SBK1: variants seen among roughly 807,000 people sequenced by gnomAD.
SBK1 encodes SH3 domain binding kinase 1, also known as serine/threonine-protein kinase SBK1.
Under a neutral mutation model 24.4 loss-of-function variants are expected in SBK1, and 11 were observed. That is an observed-to-expected ratio of 0.45 (90% CI 0.28 to 0.75). The LOEUF (loss-of-function observed/expected upper bound fraction) is 0.75, where lower values mean the gene tolerates loss of function less well. Ranked by LOEUF, SBK1 falls within the 30% of genes least tolerant of loss-of-function variation. SBK1 has a pLI of 0.12. For missense variants in SBK1, 467 were observed against 620.5 expected, an observed-to-expected ratio of 0.75 and a Z score of 2.63; for synonymous variants, 308 against 284.4, an observed-to-expected ratio of 1.08 and a Z score of -0.83.
chr16:28,268,237 T>C lies in SBK1; in HGVS notation c.257+8735T>C, dbSNP rs566041837. On this transcript the variant is annotated intron_variant, in intron 1 of 3. Coordinates refer to the SBK1 transcript ENST00000671413. ...AATATAGTAGTAACAGTTCTGGGGGTTTTTTGGTTTTTGTTTTTGTGTAGA... is the reference window on the plus strand; with the variant it reads ...AATATAGTAGTAACAGTTCTGGGGGCTTTTTGGTTTTTGTTTTTGTGTAGA... Among the ~76,000 whole-genome samples the C allele has an allele frequency of 2.7e-5, 4 of 149,674 alleles. No individual in the cohort carries two copies. The South Asian group carries it at 8.5e-4, about 32-fold the overall frequency.
chr16:28,265,525 T>C (rs2141558233), intron 1 of SBK1, among the ~76,000 whole-genome samples: 1 of 151,660 alleles, frequency 6.6e-6, no homozygotes, highest in South Asian at 2.1e-4. Context: ...GAGTTCAAGG[T>C]TACAGTGATT....
In SBK1 at chr16:28,284,071, T is replaced by C. The variant is rs1411482682; in HGVS notation, c.257+24569T>C. 5.9e-5 allele frequency among the ~76,000 whole-genome samples: 9 copies of C among 152,156 alleles called. No homozygotes were observed. In the East Asian group the frequency reaches 1.7e-3, roughly 29 times the overall value. ...TGTGAGCTCCTCAGTGGGGTTCACCTCCCATTGCCCACGGTGGTGACTGAG... is the reference window on the plus strand; with the variant it reads ...TGTGAGCTCCTCAGTGGGGTTCACCCCCCATTGCCCACGGTGGTGACTGAG... On this transcript the variant is annotated intron_variant, in intron 1 of 3. Transcript: ENST00000671413.
At chr16:28,300,483 C>G (rs2044671401) in intron 1 of SBK1, among the ~76,000 whole-genome samples, 1 of 147,544 alleles carries the variant, frequency 6.8e-6, no homozygotes, top group Non-Finnish European at 1.5e-5. Flanking sequence ...CCATGCCTGG[C>G]TCATTTTTTT....
At chr16:28,263,677 G>A (rs1041616475) in intron 1 of SBK1, among the ~76,000 whole-genome samples, 1 of 152,174 alleles carries the variant, frequency 6.6e-6, no homozygotes, top group Admixed American at 6.6e-5. Flanking sequence ...CTTAAATGGG[G>A]GAAGTTGTAT....
intron 1 of SBK1, among the ~76,000 whole-genome samples, chr16:28,316,100 C>T (rs958900741): frequency 7.2e-5 from 11 of 152,198 alleles, no homozygotes; most frequent in Admixed American, 6.5e-4. Flanking sequence ...GTTGGCCAGG[C>T]GCAGTGTTCA....
In SBK1 at chr16:28,320,463, C is replaced by G. The variant is rs748701315; in HGVS notation, c.817C>G (p.Arg273Gly). ...GGAGTTCGTGCGCTGGCAGCGGGGCCGCCTGCCGGGGCTGCCTTCGCAGTG... is the reference window on the plus strand; with the variant it reads ...GGAGTTCGTGCGCTGGCAGCGGGGCGGCCTGCCGGGGCTGCCTTCGCAGTG... ...FEEFVRWQRG[R>G]LPGLPSQWRR... is the part of the protein sequence containing the mutation. Residue 273 changes from arginine (R) to glycine (G), a missense_variant, in exon 4 of 4, where the codon CGC becomes GGC. Physicochemically the swap from Arg to Gly is moderately radical, Grantham distance 125. Coordinates refer to ENST00000341901, the MANE Select transcript of SBK1 (RefSeq NM_001024401.3). The surrounding 1 kb of genome is among the most constrained non-coding windows in gnomAD (Gnocchi z 8.5). The G allele has an allele frequency of 7.0e-6, 11 of 1,575,380 alleles. No individual in the cohort carries two copies. The highest frequency in any genetic ancestry group is 9.4e-6 in the Non-Finnish European group (11 of 1,167,894).
chr16:28,282,919 ATTTATT>A (rs910962908), intron 1 of SBK1, among the ~76,000 whole-genome samples: 4 of 150,298 alleles, frequency 2.7e-5, no homozygotes, highest in African/African-American at 1.0e-4. Context: ...TTATTTATTT[ATTTATT>A]TATTTGTTTG....
upstream of SBK1, among the ~76,000 whole-genome samples, chr16:28,287,746 C>A (rs1488318487): frequency 1.3e-5 from 2 of 152,322 alleles, no homozygotes; most frequent in Admixed American, 6.5e-5. Flanking sequence ...TCATGGCAAC[C>A]TCTGCCTCTC....
At chr16:28,313,994 C>T (rs905274830) in intron 1 of SBK1, among the ~76,000 whole-genome samples, 13 of 124,164 alleles carry the variant, frequency 1.0e-4, no homozygotes, top group Non-Finnish European at 1.9e-4. Flanking sequence ...GAGAGAAAGC[C>T]GGTGATGATG....
intron 1 of SBK1, among the ~76,000 whole-genome samples, chr16:28,297,926 C>T (rs973684508): frequency 6.6e-6 from 1 of 152,200 alleles, no homozygotes; most frequent in South Asian, 2.1e-4. Flanking sequence ...GAGGCCCTTC[C>T]TGAGCCTCTT....
At chr16:28,278,832 G>C (rs2044511055) in intron 1 of SBK1, among the ~76,000 whole-genome samples, 2 of 152,192 alleles carry the variant, frequency 1.3e-5, no homozygotes, top group South Asian at 4.1e-4. Flanking sequence ...CCTGGGTGAG[G>C]GCAGGATCGG....
intron 1 of SBK1, among the ~76,000 whole-genome samples, chr16:28,266,843 T>C (rs1396819201): frequency 1.3e-5 from 2 of 151,316 alleles, no homozygotes; most frequent in Non-Finnish European, 2.9e-5. Context: ...TGGGCTCAAG[T>C]GGTCCTCCCT....
At chr16:28,295,750 A>G (rs2044634371) in intron 1 of SBK1, among the ~76,000 whole-genome samples, 1 of 151,988 alleles carries the variant, frequency 6.6e-6, no homozygotes, top group South Asian at 2.1e-4. Context: ...TGATTTTTGG[A>G]TCTTCTTGAA....
At chr16:28,266,720 T>C (rs1441996198) in intron 1 of SBK1, among the ~76,000 whole-genome samples, 1 of 144,748 alleles carries the variant, frequency 6.9e-6, no homozygotes, top group East Asian at 2.0e-4. Flanking sequence ...CACATCACTT[T>C]CTTTTTTCTT....
intron 1 of SBK1, among the ~76,000 whole-genome samples, chr16:28,265,834 C>T (rs1474986993): frequency 3.3e-5 from 5 of 151,312 alleles, no homozygotes; most frequent in Admixed American, 6.6e-5. Flanking sequence ...ATTAGCCCCG[C>T]GTGGTGGTAC....
intron 1 of SBK1, among the ~76,000 whole-genome samples, chr16:28,281,685 C>T (rs1454789209): frequency 3.3e-5 from 5 of 152,176 alleles, no homozygotes; most frequent in African/African-American, 4.8e-5. Flanking sequence ...ATGATGATAG[C>T]GTCCACACCC....
At chr16:28,301,994 G>A (rs975966728) in intron 1 of SBK1, among the ~76,000 whole-genome samples, 1 of 152,222 alleles carries the variant, frequency 6.6e-6, no homozygotes, top group South Asian at 2.1e-4. Flanking sequence ...GCTTGCTGGG[G>A]TCTGTATTTG....
Position 28,270,825 on chromosome 16 carries a change from A to G in SBK1, c.257+11323A>G, listed in dbSNP as rs2044460318. Among the ~76,000 whole-genome samples the G allele has an allele frequency of 5.3e-5, 8 of 150,746 alleles. No individual in the cohort carries two copies. The South Asian group carries it at 1.5e-3, about 28-fold the overall frequency. ...AGCTCAAAAATTTTACCTCCTATGC[A>G]CCCTTTCTTATTTATTTATTTATTT... is the stretch of plus-strand genomic sequence containing the variant. On this transcript the variant is annotated intron_variant, in intron 1 of 3. Coordinates refer to the SBK1 transcript ENST00000671413.
chr16:28,313,701 G>T (rs1257326439), intron 1 of SBK1, among the ~76,000 whole-genome samples: 6 of 152,002 alleles, frequency 3.9e-5, no homozygotes, highest in African/African-American at 1.4e-4. Context: ...GCAGGGCGGG[G>T]AGGGGAGGGT....
Sources: allele counts gnomAD v4.1 joint callset (sites outside exome capture counted in the v4.1 genomes callset), GRCh38; gene constraint gnomAD v4.1.1; non-coding constraint Gnocchi (gnomAD v3.1); transcripts MANE v1.5; gene names NCBI Gene and HGNC (gene_info 2026-07-23, HGNC 2026-07-21).